The following IQGAP2 variants were observed in gnomAD, a reference collection of about 807,000 sequenced individuals.
IQGAP2 encodes the protein ras GTPase-activating-like protein IQGAP2.
In IQGAP2, 173 loss-of-function variants were observed where a neutral mutation model predicts 201.3. The observed-to-expected ratio is 0.86, with a 90% CI of 0.76 to 0.98. The LOEUF is 0.98. IQGAP2 is among the 50% of genes least tolerant of loss of function. The pLI is 0.00. For missense variants in IQGAP2, 1,687 were observed against 1,864.8 expected (o/e 0.90, Z 1.76); for synonymous variants, 675 against 673.9 (o/e 1.00, Z -0.03).
At chr5:76,570,799 T>C in intron 4 of IQGAP2, 142 bp downstream of exon 4, 1 of 635,550 alleles carries the variant, frequency 1.6e-6, no homozygotes, top group South Asian at 2.0e-5. Context: ...TGGAAAGACC[T>C]ATCCAAAGTA....
chr5:76,447,089 A>C (rs1753433686), intron 1 of IQGAP2, among the ~76,000 whole-genome samples: 1 of 152,030 alleles, frequency 6.6e-6, no homozygotes, highest in Middle Eastern at 3.2e-3. Context: ...AGCAGGAAAC[A>C]GTTAAGAGCC....
chr5:76,485,270 T>C (rs1756049120), intron 2 of IQGAP2, among the ~76,000 whole-genome samples: 1 of 152,218 alleles, frequency 6.6e-6, no homozygotes, highest in South Asian at 2.1e-4. Context: ...TAAGTATATT[T>C]TTGTGGAATA....
intron 2 of IQGAP2, among the ~76,000 whole-genome samples, chr5:76,558,487 T>C (rs1744101742): frequency 6.6e-6 from 1 of 152,270 alleles, no homozygotes; most frequent in African/African-American, 2.4e-5. Context: ...AAACTTGGTC[T>C]AGAGCAGTGG....
intron 5 of IQGAP2, among the ~76,000 whole-genome samples, chr5:76,586,498 T>A (rs941394629): frequency 6.6e-6 from 1 of 152,212 alleles, no homozygotes; most frequent in African/African-American, 2.4e-5. Flanking sequence ...CCAATGCATG[T>A]ATGAAAAAAT....
At chr5:76,534,901 T>C (rs557057297) in intron 2 of IQGAP2, among the ~76,000 whole-genome samples, 2 of 152,356 alleles carry the variant, frequency 1.3e-5, no homozygotes, top group East Asian at 1.9e-4. Context: ...CAATAATGAC[T>C]ATCAGTTGAA....
chr5:76,475,868 T>A (rs1755387586), intron 2 of IQGAP2, among the ~76,000 whole-genome samples: 1 of 152,118 alleles, frequency 6.6e-6, no homozygotes, highest in South Asian at 2.1e-4. Flanking sequence ...AGGGGAGGAT[T>A]TCCTTTGGCC....
At chr5:76,679,841 G>A (rs758600692) in intron 28 of IQGAP2, among the ~76,000 whole-genome samples, 6 of 152,010 alleles carry the variant, frequency 3.9e-5, no homozygotes, top group East Asian at 1.9e-4. Flanking sequence ...AAAACAACAC[G>A]TAATTTCTTT....
At chr5:76,508,004 CAAAAA>C in intron 2 of IQGAP2, among the ~76,000 whole-genome samples, 1 of 63,334 alleles carries the variant, frequency 1.6e-5, no homozygotes, top group South Asian at 6.6e-4. Context: ...GACTCCTTCT[CAAAAA>C]AAAAAAAAAA....
chr5:76,540,346 T>C (rs1742679094), intron 2 of IQGAP2, among the ~76,000 whole-genome samples: 1 of 152,170 alleles, frequency 6.6e-6, no homozygotes, highest in Non-Finnish European at 1.5e-5. Flanking sequence ...GGCTAGCTCT[T>C]TTTGGGAAAA....
chr5:76,595,729 C>G (rs965512573), intron 9 of IQGAP2, among the ~76,000 whole-genome samples: 1 of 151,244 alleles, frequency 6.6e-6, no homozygotes, highest in Non-Finnish European at 1.5e-5. Flanking sequence ...CCACTGCACT[C>G]CAGCCTTGGC....
chr5:76,416,733 G>A (rs1193656723), intron 1 of IQGAP2, among the ~76,000 whole-genome samples: 1 of 152,114 alleles, frequency 6.6e-6, no homozygotes, highest in East Asian at 1.9e-4. Context: ...TCATCATATT[G>A]GCCAGGCTGG....
At chr5:76,698,844 A>G (rs535967382) in intron 33 of IQGAP2, among the ~76,000 whole-genome samples, 2 of 152,342 alleles carry the variant, frequency 1.3e-5, no homozygotes, top group South Asian at 4.1e-4. Context: ...TGCATTAATC[A>G]TAGATCTTTT....
chr5:76,486,210 T>TTGCAACTTGCAC (rs1339989859), intron 2 of IQGAP2, among the ~76,000 whole-genome samples: 8 of 152,224 alleles, frequency 5.3e-5, no homozygotes, highest in African/African-American at 1.9e-4. Flanking sequence ...TGCCAAGGAC[T>TTGCAACTTGCAC]GAAAGTGCAA....
At chr5:76,568,502 T>C (rs1744899996) in intron 3 of IQGAP2, among the ~76,000 whole-genome samples, 1 of 152,220 alleles carries the variant, frequency 6.6e-6, no homozygotes, top group Non-Finnish European at 1.5e-5. Context: ...CTGAGATTAC[T>C]TTGCTAACAA....
At chr5:76,433,589 TA>T (rs1752495209) in intron 1 of IQGAP2, among the ~76,000 whole-genome samples, 1 of 152,240 alleles carries the variant, frequency 6.6e-6, no homozygotes, top group South Asian at 2.1e-4. Context: ...CAATTCTTGC[TA>T]GTTTCCCTTA....
At chr5:76,456,981 A>T (rs540866673) in intron 1 of IQGAP2, among the ~76,000 whole-genome samples, 1 of 152,016 alleles carries the variant, frequency 6.6e-6, no homozygotes, top group South Asian at 2.1e-4. Context: ...TTGTGGACAT[A>T]TTTTTTTCTT....
intron 35 of IQGAP2, among the ~76,000 whole-genome samples, chr5:76,706,115 G>A (rs1747868998): frequency 6.6e-6 from 1 of 152,140 alleles, no homozygotes; most frequent in African/African-American, 2.4e-5. Flanking sequence ...CACTTCATCA[G>A]GAAATAGTAT....
At chr5:76,574,383 A>C (rs780617693) in intron 4 of IQGAP2, among the ~76,000 whole-genome samples, 7 of 152,164 alleles carry the variant, frequency 4.6e-5, no homozygotes, top group Non-Finnish European at 7.4e-5. Context: ...GGCTTACTGC[A>C]ACCTCCACTT....
At chr5:76,451,078 A>G (rs1753711683) in intron 1 of IQGAP2, among the ~76,000 whole-genome samples, 1 of 152,150 alleles carries the variant, frequency 6.6e-6, no homozygotes, top group African/African-American at 2.4e-5. Context: ...GCTCCTTAGT[A>G]TATCCCTGGA....
Sources: gnomAD v4.1 joint callset for allele counts (sites outside exome capture counted in the v4.1 genomes callset) on GRCh38, gnomAD v4.1.1 for gene constraint, MANE v1.5 for transcripts, NCBI Gene and HGNC (gene_info 2026-07-23, HGNC 2026-07-21) for gene names.